The following BBX variants were observed in gnomAD, a reference collection of about 807,000 sequenced individuals.
BBX encodes HMG box transcription factor BBX.
Under a neutral mutation model 100.2 loss-of-function variants are expected in BBX, and 30 were observed. The observed-to-expected ratio is 0.30, with a 90% CI of 0.22 to 0.41. BBX has a LOEUF of 0.41. Ranked by LOEUF, BBX falls within the 10% of genes least tolerant of loss-of-function variation. The pLI, the probability that BBX is intolerant of heterozygous loss-of-function variation, is 1.00. For missense variants in BBX, 1,023 were observed against 1,129.8 expected (o/e 0.91, Z 1.35); for synonymous variants, 376 against 388.1 (o/e 0.97, Z 0.37).
chr3:107,563,937 C>A (rs1377715458), intron 2 of BBX, among the ~76,000 whole-genome samples: 4 of 152,212 alleles, frequency 2.6e-5, no homozygotes, highest in Non-Finnish European at 5.9e-5. Context: ...AAGCTACCTA[C>A]CTTGTCACTT....
At chr3:107,575,806 A>T (rs1326306317) in intron 2 of BBX, among the ~76,000 whole-genome samples, 1 of 152,212 alleles carries the variant, frequency 6.6e-6, no homozygotes, top group Non-Finnish European at 1.5e-5. Flanking sequence ...CTAAATGTAG[A>T]TAAATGAAGC....
chr3:107,794,536 A>G (rs2069402492), intron 15 of BBX, among the ~76,000 whole-genome samples: 1 of 152,188 alleles, frequency 6.6e-6, no homozygotes, highest in African/African-American at 2.4e-5. Flanking sequence ...ATTCTGGTTT[A>G]TAGTTAGATT....
At chr3:107,576,600 G>C (rs1476650110) in intron 2 of BBX, among the ~76,000 whole-genome samples, 1 of 152,100 alleles carries the variant, frequency 6.6e-6, no homozygotes, top group African/African-American at 2.4e-5. Flanking sequence ...AGAACTAAGA[G>C]CAGTGAGACA....
chr3:107,545,477 A>G (rs919553529), intron 2 of BBX, among the ~76,000 whole-genome samples: 3 of 152,030 alleles, frequency 2.0e-5, no homozygotes, highest in Admixed American at 2.0e-4. Flanking sequence ...TTTTTGTAGG[A>G]GAGTAGTGAT....
chr3:107,761,459 G>T (rs1407751609), intron 10 of BBX, among the ~76,000 whole-genome samples: 2 of 152,258 alleles, frequency 1.3e-5, no homozygotes, highest in African/African-American at 4.8e-5. Flanking sequence ...GGTGTGAGAA[G>T]ATAAGAACTG....
chr3:107,580,576 T>C (rs1374339556), intron 2 of BBX, among the ~76,000 whole-genome samples: 2 of 152,198 alleles, frequency 1.3e-5, no homozygotes, highest in African/African-American at 4.8e-5. Flanking sequence ...ATGACTCATA[T>C]GTAGGTAAGT....
chr3:107,553,382 C>T (rs969380474), intron 2 of BBX, among the ~76,000 whole-genome samples: 9 of 152,186 alleles, frequency 5.9e-5, no homozygotes, highest in Middle Eastern at 3.2e-3. Context: ...TTCTATGCTT[C>T]AGGATTTGAG....
Position 107,805,507 on chromosome 3 carries a change from G to A in BBX, c.*50G>A. ...GTGCTTTACCTACTACCCTAGCCTTGTCTTTACCGAGGGATGCTAGTGAGT... is the reference window on the plus strand; with the variant it reads ...GTGCTTTACCTACTACCCTAGCCTTATCTTTACCGAGGGATGCTAGTGAGT... On this transcript the variant is annotated 3_prime_UTR_variant, in exon 18 of 18. Coordinates refer to ENST00000325805, the MANE Select transcript of BBX (RefSeq NM_001142568.3). The A allele has an allele frequency of 6.2e-7, 1 of 1,613,728 alleles. No individual in the cohort carries two copies. Among genetic ancestry groups the A allele is most frequent in the East Asian group, 2.2e-5 (1 of 44,872 alleles).
intron 10 of BBX, among the ~76,000 whole-genome samples, chr3:107,757,876 A>AC (rs1366732753): frequency 2.6e-5 from 4 of 152,218 alleles, no homozygotes; most frequent in African/African-American, 9.6e-5. Flanking sequence ...TGAAGACACA[A>AC]CCTTAAATTC....
chr3:107,794,646 A>G (rs776110359), intron 15 of BBX, among the ~76,000 whole-genome samples: 4 of 152,192 alleles, frequency 2.6e-5, no homozygotes, highest in East Asian at 1.9e-4. Context: ...GATGTTGGAT[A>G]AGGCTCATTC....
chr3:107,726,615 C>T (rs575508859), intron 5 of BBX, among the ~76,000 whole-genome samples: 1 of 152,172 alleles, frequency 6.6e-6, no homozygotes, highest in African/African-American at 2.4e-5. Flanking sequence ...CGGCCTTTCT[C>T]TTGCTCTCTG....
chr3:107,787,123 T>G (rs894437885), intron 13 of BBX, among the ~76,000 whole-genome samples: 5 of 152,166 alleles, frequency 3.3e-5, no homozygotes, highest in Admixed American at 6.6e-5. Flanking sequence ...AGGATGGCCA[T>G]AATAAAAAAG....
At chr3:107,687,271 T>A (rs906818468) in intron 3 of BBX, among the ~76,000 whole-genome samples, 10 of 151,448 alleles carry the variant, frequency 6.6e-5, no homozygotes, top group African/African-American at 2.2e-4. Flanking sequence ...AAACAGGGAG[T>A]GAGACAAATA....
At position 107,783,343 on chromosome 3, in the gene BBX, A is replaced by G. The variant is rs573772178; in HGVS notation, c.2203+4824A>G. ...AGGAATTTTAAAAATGTAAGTTTAT[A>G]TAAGCTCTTCTGTGTACAAAACTAC... On this transcript the variant is annotated intron_variant, in intron 13 of 17. Coordinates refer to ENST00000325805, the MANE Select transcript of BBX (RefSeq NM_001142568.3). Among the ~76,000 whole-genome samples, 15 of 152,216 alleles carry G rather than the reference A, an allele frequency of 9.9e-5. 1 individual carries two copies. The South Asian group carries it at 3.1e-3, about 32-fold the overall frequency.
In BBX at chr3:107,701,300, G is replaced by C. The variant is rs539982656; in HGVS notation, c.-9-9152G>C. On this transcript the variant is annotated intron_variant, in intron 3 of 17. Coordinates refer to ENST00000325805, the MANE Select transcript of BBX (RefSeq NM_001142568.3). ...CAGGCTCTAGGGAACGGAAGACCTT[G>C]TTTTCATTCCTGGTCCCATCATGTG... 4.1e-4 allele frequency among the ~76,000 whole-genome samples: 63 copies of C among 152,272 alleles called. 1 individual carries two copies. The South Asian group carries it at 0.012, about 29-fold the overall frequency.
intron 10 of BBX, among the ~76,000 whole-genome samples, chr3:107,757,604 A>G: frequency 6.6e-6 from 1 of 152,324 alleles, no homozygotes; most frequent in South Asian, 2.1e-4. Flanking sequence ...GTCTTAATAC[A>G]GTGTATTTTA....
intron 16 of BBX, among the ~76,000 whole-genome samples, chr3:107,799,729 A>G (rs1226591558): frequency 6.6e-6 from 1 of 152,202 alleles, no homozygotes; most frequent in Non-Finnish European, 1.5e-5. Flanking sequence ...TTCTTGAGTT[A>G]TCTGATTTAA....
chr3:107,704,147 C>T (rs2061250793), intron 3 of BBX, among the ~76,000 whole-genome samples: 1 of 152,098 alleles, frequency 6.6e-6, no homozygotes, highest in Non-Finnish European at 1.5e-5. Context: ...GTAACTGCAT[C>T]AGAGTGTTTT....
chr3:107,745,911 A>G (rs960635092), intron 8 of BBX, among the ~76,000 whole-genome samples: 8 of 152,078 alleles, frequency 5.3e-5, no homozygotes, highest in Non-Finnish European at 8.8e-5. Context: ...GCATGTGTAC[A>G]TTTTTGTGGC....
Sources: allele counts gnomAD v4.1 joint callset (sites outside exome capture counted in the v4.1 genomes callset), GRCh38; gene constraint gnomAD v4.1.1; transcripts MANE v1.5; gene names NCBI Gene and HGNC (gene_info 2026-07-23, HGNC 2026-07-21).